The following LONP2 variants were observed in gnomAD, a reference collection of about 807,000 sequenced individuals.
LONP2 encodes lon peptidase 2, peroxisomal, also known as lon protease homolog 2, peroxisomal.
LONP2 carries 60 observed loss-of-function variants against 85.6 expected under a neutral mutation model. The ratio of observed to expected loss-of-function variants is 0.70; its 90% CI spans 0.57 to 0.87. The LOEUF (loss-of-function observed/expected upper bound fraction) is 0.87, where lower values mean the gene tolerates loss of function less well. Ranked by LOEUF, LONP2 falls within the 40% of genes least tolerant of loss-of-function variation. LONP2 has a pLI of 0.00. For missense variants in LONP2, 860 were observed against 1,063.5 expected (o/e 0.81, Z 2.66); for synonymous variants, 395 against 389.7 (o/e 1.01, Z -0.16).
At chr16:48,300,941 G>A (rs1456602112) in intron 10 of LONP2, among the ~76,000 whole-genome samples, 1 of 152,142 alleles carries the variant, frequency 6.6e-6, no homozygotes, top group Non-Finnish European at 1.5e-5. Context: ...TCTGAAGAGT[G>A]ATCATTATTT....
Position 48,244,319 on chromosome 16 carries a change from T to C in LONP2, c.-70T>C. On this transcript the variant is annotated 5_prime_UTR_variant, in exon 1 of 15. Coordinates refer to ENST00000285737, the MANE Select transcript of LONP2 (RefSeq NM_031490.5). ...GGAGGCGGGTCTGAGGTTTGGTGACTGCGGGGCAGGCCGGGGGCAGCTGTC... is the reference window on the plus strand; with the variant it reads ...GGAGGCGGGTCTGAGGTTTGGTGACCGCGGGGCAGGCCGGGGGCAGCTGTC... The C allele has an allele frequency of 1.6e-6, 2 of 1,215,008 alleles. No individual in the cohort carries two copies. The highest frequency in any genetic ancestry group is 2.2e-6 in the Non-Finnish European group (2 of 903,004). The allele number at this position is 1,215,008 out of a possible 1,614,324, so 75.3% of individuals were successfully genotyped here.
At chr16:48,250,367 A>G (rs1283449427) in intron 1 of LONP2, among the ~76,000 whole-genome samples, 2 of 152,058 alleles carry the variant, frequency 1.3e-5, no homozygotes, top group Non-Finnish European at 2.9e-5. Context: ...CTGTAGTCCC[A>G]GCTACTTGGG....
intron 2 of LONP2, among the ~76,000 whole-genome samples, chr16:48,253,012 A>G (rs1241535501): frequency 1.3e-5 from 2 of 152,232 alleles, no homozygotes; most frequent in Non-Finnish European, 2.9e-5. Flanking sequence ...TCCAGTGACT[A>G]TAACTAGATC....
intron 8 of LONP2, among the ~76,000 whole-genome samples, chr16:48,281,702 C>T (rs192781558): frequency 8.0e-4 from 122 of 152,130 alleles, no homozygotes; most frequent in African/African-American, 2.3e-3. Context: ...ATTTACAGTT[C>T]GAAAAACATA....
rs1596963384 is a variant in LONP2, at chr16:48,300,728, G to C, written c.1661+940G>C. On this transcript the variant is annotated intron_variant, in intron 10 of 14. Transcript: ENST00000285737. The stretch of plus-strand genomic sequence containing the variant: ...GGGGTTCCTTTTCTTAATTTGTCTT[G>C]TGATTTATGGTGTAGATAATGCCAG... 2.0e-5 allele frequency among the ~76,000 whole-genome samples: 3 copies of C among 152,250 alleles called. No individual in the cohort carries two copies. In the South Asian group the frequency reaches 6.2e-4, roughly 32 times the overall value.
downstream of LONP2, among the ~76,000 whole-genome samples, chr16:48,359,630 C>G (rs2151041938): frequency 6.6e-6 from 1 of 152,058 alleles, no homozygotes; most frequent in South Asian, 2.1e-4. Context: ...GAAGGAGAAT[C>G]GCTTAAACCC....
At chr16:48,286,564 G>A (rs918367171) in intron 8 of LONP2, among the ~76,000 whole-genome samples, 7 of 152,072 alleles carry the variant, frequency 4.6e-5, no homozygotes, top group East Asian at 3.9e-4. Context: ...GTGCAGTGGC[G>A]CACTCATGGC....
chr16:48,323,192 A>G (rs1973302005), intron 11 of LONP2, among the ~76,000 whole-genome samples: 1 of 152,298 alleles, frequency 6.6e-6, no homozygotes, highest in African/African-American at 2.4e-5. Context: ...TGAAAGCTCT[A>G]TTTTACTTAC....
chr16:48,328,835 A>AG (rs895998937), intron 11 of LONP2, among the ~76,000 whole-genome samples: 2 of 142,766 alleles, frequency 1.4e-5, no homozygotes, highest in African/African-American at 5.1e-5. Flanking sequence ...TCAAAAAAAA[A>AG]AGGGGGGGAG....
At position 48,277,485 on chromosome 16, in the gene LONP2, A is replaced by T. The variant is rs1295181942; in HGVS notation, c.1383+6A>T. ...CAGCAGCAGCTCTGCTTGAGGTAAG[A>T]TTTGGAAAATTCCCTGTCTGTCTTC... On this transcript the variant is annotated splice_donor_region_variant and intron_variant, in intron 8 of 14. Transcript: ENST00000285737. 6.8e-6 allele frequency: 11 copies of T among 1,612,132 alleles called. No homozygotes were observed. Among genetic ancestry groups the T allele is most frequent in the Middle Eastern group, 1.7e-4 (1 of 6,060 alleles).
At chr16:48,349,946 A>C (rs1960087422) in intron 14 of LONP2, among the ~76,000 whole-genome samples, 1 of 152,166 alleles carries the variant, frequency 6.6e-6, no homozygotes, top group Admixed American at 6.5e-5. Context: ...GATGTGCAGT[A>C]CCTTCAAAAC....
At chr16:48,267,263 A>G (rs1041871318) in intron 6 of LONP2, among the ~76,000 whole-genome samples, 50 of 152,332 alleles carry the variant, frequency 3.3e-4, no homozygotes, top group African/African-American at 1.2e-3. Context: ...TTATGTCTAG[A>G]TAATTGTGAG....
chr16:48,246,684 C>T (rs886080861), intron 1 of LONP2, among the ~76,000 whole-genome samples: 4 of 152,144 alleles, frequency 2.6e-5, no homozygotes, highest in Admixed American at 2.0e-4. Context: ...AAGTGATCGT[C>T]CTGCCTCAGC....
intron 11 of LONP2, among the ~76,000 whole-genome samples, chr16:48,312,218 C>T (rs1222833848): frequency 2.6e-5 from 4 of 152,200 alleles, no homozygotes; most frequent in African/African-American, 9.6e-5. Flanking sequence ...GCTAGGATTA[C>T]AGGTGTGAGC....
intron 9 of LONP2, among the ~76,000 whole-genome samples, chr16:48,298,301 G>A (rs962952828): frequency 6.6e-6 from 1 of 152,000 alleles, no homozygotes; most frequent in African/African-American, 2.4e-5. Context: ...AAATGGAAAG[G>A]GACATTAGTT....
chr16:48,295,956 A>T, intron 8 of LONP2, 59 bp from the exon 9 acceptor site: 1 of 1,541,602 alleles, frequency 6.5e-7, no homozygotes. Context: ...GTTTTCACTT[A>T]TATACAGCCT....
intron 6 of LONP2, among the ~76,000 whole-genome samples, chr16:48,264,007 G>T (rs1022566890): frequency 1.3e-5 from 2 of 152,192 alleles, no homozygotes; most frequent in African/African-American, 4.8e-5. Context: ...AAAGGGGAGG[G>T]AGTGTGCGAA....
intron 8 of LONP2, among the ~76,000 whole-genome samples, chr16:48,285,741 TA>T (rs1972426154): frequency 6.6e-6 from 1 of 152,222 alleles, no homozygotes; most frequent in South Asian, 2.1e-4. Flanking sequence ...ATCATTCTCA[TA>T]CTTTCCTGTA....
downstream of LONP2, among the ~76,000 whole-genome samples, chr16:48,360,054 T>C (rs1436729869): frequency 3.3e-5 from 5 of 152,378 alleles, no homozygotes; most frequent in Non-Finnish European, 7.3e-5. Context: ...AGCAAAGCAC[T>C]GTTTCAGGTA....
Sources: allele counts gnomAD v4.1 joint callset (sites outside exome capture counted in the v4.1 genomes callset), GRCh38; gene constraint gnomAD v4.1.1; transcripts MANE v1.5; gene names NCBI Gene and HGNC (gene_info 2026-07-23, HGNC 2026-07-21).